The following NEMP2 variants were observed in gnomAD, a reference collection of about 807,000 sequenced individuals.
NEMP2 encodes nuclear envelope integral membrane protein 2.
NEMP2 carries 53 observed loss-of-function variants against 54.2 expected under a neutral mutation model. That is an observed-to-expected ratio of 0.98 (90% confidence interval 0.78 to 1.23). The LOEUF (loss-of-function observed/expected upper bound fraction) is 1.23, where lower values mean the gene tolerates loss of function less well. Among genes scored for constraint, NEMP2 ranks in the 50% most tolerant of loss-of-function variants. The pLI, the probability that NEMP2 is intolerant of heterozygous loss-of-function variation, is 0.00. For missense variants in NEMP2, 455 were observed against 511.3 expected (o/e 0.89, Z 1.06); for synonymous variants, 197 against 190.3 (o/e 1.04, Z -0.29).
At position 190,534,597 on chromosome 2, in the gene NEMP2, A is replaced by G. The variant is rs1475519287; in HGVS notation, c.59T>C (p.Leu20Pro). Residue 20 changes from leucine to proline, a missense_variant, in exon 1 of 9, where the codon CTG becomes CCG. Transcript: ENST00000409150. The part of the protein sequence containing the change: ...LLLWLPPLAT[L>P]PVRGEAAAAA... ...CGCCGCCGCCTCCCCGCGCACGGGC[A>G]GTGTGGCCAGGGGCGGCAGCCAGAG... 5 of 1,394,480 alleles carry G rather than the reference A, an allele frequency of 3.6e-6. No homozygotes were observed. In the East Asian group the frequency reaches 1.2e-4, roughly 34 times the overall value. 86.4% of individuals were successfully genotyped at this position (1,394,480 alleles called of 1,614,324 possible).
chr2:190,472,417 G>C, the NEMP2 span, among the ~76,000 whole-genome samples: 1 of 152,124 alleles, frequency 6.6e-6, no homozygotes, highest in Admixed American at 6.6e-5. Context: ...TGAAAACCAC[G>C]GCACGAGAAA....
At chr2:190,436,796 C>T in the NEMP2 span, 29 of 1,614,052 alleles carry the variant, frequency 1.8e-5, no homozygotes, top group Non-Finnish European at 2.3e-5. The surrounding 1 kb of genome is among the most constrained non-coding windows in gnomAD (Gnocchi z 5.3). Context: ...GGAAGCGTAA[C>T]CAAGGAGACA....
At position 190,508,566 on chromosome 2, in the gene NEMP2, A is replaced by G. The variant is rs1690249587; in HGVS notation, c.*623T>C. On this transcript the variant is annotated 3_prime_UTR_variant, in exon 9 of 9. Transcript: ENST00000409150. This position sits in a 1 kb window ranked among gnomAD's most constrained non-coding sequence, Gnocchi z 4.3. ...GAAAAAGAGTTCTGTGGTCAAATTA[A>G]GCAAGAAACTGCAGCACACAATTTC... 1 of 152,300 alleles carries G rather than the reference A, an allele frequency of 6.6e-6. No individual in the cohort carries two copies. The highest frequency in any genetic ancestry group is 1.5e-5 in the Non-Finnish European group (1 of 68,068). The allele number at this position is 152,300 out of a possible 1,614,324, so 9.4% of individuals were successfully genotyped here.
the NEMP2 span, among the ~76,000 whole-genome samples, chr2:190,444,201 A>G: frequency 2.0e-5 from 3 of 152,240 alleles, no homozygotes; most frequent in East Asian, 3.8e-4. Context: ...ATAAAAGGTA[A>G]TAACTTTTCT....
At chr2:190,448,057 T>C in the NEMP2 span, among the ~76,000 whole-genome samples, 4 of 152,228 alleles carry the variant, frequency 2.6e-5, no homozygotes, top group African/African-American at 9.6e-5. Context: ...GCTGGGTTGA[T>C]TGAGGTACTT....
At chr2:190,578,105 T>G in the NEMP2 span, among the ~76,000 whole-genome samples, 14 of 152,266 alleles carry the variant, frequency 9.2e-5, 1 homozygote, top group South Asian at 2.9e-3. This position sits in a 1 kb window ranked among gnomAD's most constrained non-coding sequence, Gnocchi z 4.4. Flanking sequence ...TTCTGTGGGG[T>G]CTCCTGGGCT....
the NEMP2 span, among the ~76,000 whole-genome samples, chr2:190,559,022 A>G: frequency 1.3e-5 from 2 of 152,188 alleles, no homozygotes; most frequent in Non-Finnish European, 2.9e-5. This position sits in a 1 kb window ranked among gnomAD's most constrained non-coding sequence, Gnocchi z 4.0. Flanking sequence ...GCACTTCACA[A>G]TGTTTTCTTA....
chr2:190,625,364 A>AGTTTCT, the NEMP2 span: 1 of 152,244 alleles, frequency 6.6e-6, no homozygotes, highest in Admixed American at 6.5e-5. Context: ...AGAAGAGGCA[A>AGTTTCT]GTCTGTAGAG....
In NEMP2 at chr2:190,512,056, T is replaced by G. The variant is rs1036914604; in HGVS notation, c.954-1519A>C. Among the ~76,000 whole-genome samples the G allele has an allele frequency of 5.3e-5, 8 of 151,958 alleles. No individual in the cohort carries two copies. Among genetic ancestry groups the G allele is most frequent in the Admixed American group, 2.6e-4 (4 of 15,256 alleles). ...TTTAAAGATCTTATAGTTGATGAGC[T>G]AGATCAAGGAAACAGTGATATAATC... On this transcript the variant is annotated intron_variant, in intron 7 of 8. Transcript: ENST00000409150. The surrounding 1 kb of genome is among the most constrained non-coding windows in gnomAD (Gnocchi z 4.5).
At chr2:190,481,139 A>G in the NEMP2 span, among the ~76,000 whole-genome samples, 1 of 152,218 alleles carries the variant, frequency 6.6e-6, no homozygotes, top group African/African-American at 2.4e-5. Context: ...CGTGTAGTAT[A>G]ATGTTGCCAA....
the NEMP2 span, among the ~76,000 whole-genome samples, chr2:190,578,257 G>A: frequency 6.6e-6 from 1 of 152,208 alleles, no homozygotes; most frequent in African/African-American, 2.4e-5. The surrounding 1 kb of genome is among the most constrained non-coding windows in gnomAD (Gnocchi z 4.4). Context: ...GCAAAGCCTG[G>A]AATGGTTCCC....
At chr2:190,594,079 C>T in the NEMP2 span, among the ~76,000 whole-genome samples, 1 of 152,218 alleles carries the variant, frequency 6.6e-6, no homozygotes, top group Non-Finnish European at 1.5e-5. The surrounding 1 kb of genome is among the most constrained non-coding windows in gnomAD (Gnocchi z 5.6). Context: ...TCTCTTCCTT[C>T]TCTGCTCTCT....
At chr2:190,437,912 G>C in the NEMP2 span, among the ~76,000 whole-genome samples, 1 of 152,262 alleles carries the variant, frequency 6.6e-6, no homozygotes, top group East Asian at 1.9e-4. This position sits in a 1 kb window ranked among gnomAD's most constrained non-coding sequence, Gnocchi z 5.9. Context: ...GGGTCCACCT[G>C]TCCTAGGCAT....
chr2:190,500,164 G>A (rs777729645), downstream of NEMP2: 12 of 1,613,990 alleles, frequency 7.4e-6, no homozygotes, highest in African/African-American at 2.7e-5. This position sits in a 1 kb window ranked among gnomAD's most constrained non-coding sequence, Gnocchi z 5.3. Flanking sequence ...GTGTGGACCC[G>A]TGCACAGAGG....
the NEMP2 span, among the ~76,000 whole-genome samples, chr2:190,432,105 G>T: frequency 6.6e-6 from 1 of 152,206 alleles, no homozygotes; most frequent in Non-Finnish European, 1.5e-5. Context: ...TTTAGTGGAA[G>T]GTCTTGATAA....
chr2:190,606,916 T>C, the NEMP2 span, among the ~76,000 whole-genome samples: 1 of 152,178 alleles, frequency 6.6e-6, no homozygotes, highest in Non-Finnish European at 1.5e-5. Flanking sequence ...CTTATTCAAA[T>C]AAGACCTACT....
the NEMP2 span, among the ~76,000 whole-genome samples, chr2:190,430,207 C>CTT: frequency 4.9e-4 from 65 of 132,108 alleles, 2 homozygotes; most frequent in Admixed American, 2.1e-3. Flanking sequence ...AGTCCTCATT[C>CTT]TTTTTTTTTT....
the NEMP2 span, among the ~76,000 whole-genome samples, chr2:190,639,022 T>C: frequency 6.6e-6 from 1 of 152,148 alleles, no homozygotes; most frequent in Non-Finnish European, 1.5e-5. Flanking sequence ...TGGGACTGCA[T>C]AGGTCCCTGG....
chr2:190,517,393 A>G, intron 5 of NEMP2, 127 bp downstream of exon 5: 1 of 652,464 alleles, frequency 1.5e-6, no homozygotes, highest in Non-Finnish European at 2.6e-6. Context: ...TTTTAGAGCC[A>G]GTTTACATAA....
Sources: gnomAD v4.1 joint callset for allele counts (sites outside exome capture counted in the v4.1 genomes callset) on GRCh38, gnomAD v4.1.1 for gene constraint, Gnocchi (gnomAD v3.1) non-coding constraint, MANE v1.5 for transcripts, NCBI Gene and HGNC (gene_info 2026-07-23, HGNC 2026-07-21) for gene names.